Variants in NFXL1 observed in about 807,000 individuals in gnomAD.
NFXL1 encodes the protein nuclear transcription factor, X-box binding like 1.
In NFXL1, 66 loss-of-function variants were observed where a neutral mutation model predicts 123.3. That is an observed-to-expected ratio of 0.54 (90% CI 0.44 to 0.66). The LOEUF (loss-of-function observed/expected upper bound fraction) is 0.66, where lower values mean the gene tolerates loss of function less well. Ranked by LOEUF, NFXL1 falls within the 30% of genes least tolerant of loss-of-function variation. NFXL1 has a pLI of 0.00. For synonymous variants in NFXL1, 346 were observed against 360.8 expected (o/e 0.96, Z 0.46); for missense variants, 944 against 1,125.6 (o/e 0.84, Z 2.31).
At chr4:47,904,393 G>A (rs1217367760) in intron 4 of NFXL1, among the ~76,000 whole-genome samples, 1 of 152,140 alleles carries the variant, frequency 6.6e-6, no homozygotes, top group Non-Finnish European at 1.5e-5. Context: ...AAATTGAGAG[G>A]CGGAAAAAAC....
At chr4:47,912,421 T>A (rs1464944025) in intron 2 of NFXL1, among the ~76,000 whole-genome samples, 1 of 151,826 alleles carries the variant, frequency 6.6e-6, no homozygotes, top group African/African-American at 2.4e-5. Context: ...AAATCTCAAC[T>A]GTCCAGGTAG....
chr4:47,908,159 G>A (rs1264611588), intron 3 of NFXL1, among the ~76,000 whole-genome samples: 2 of 152,182 alleles, frequency 1.3e-5, no homozygotes, highest in Non-Finnish European at 2.9e-5. Context: ...CAGGCACAGT[G>A]GCTCACGCCT....
chr4:47,913,054 A>C (rs554117672), intron 2 of NFXL1, among the ~76,000 whole-genome samples: 1 of 150,360 alleles, frequency 6.7e-6, no homozygotes, highest in East Asian at 2.0e-4. Flanking sequence ...ACCTGTTCAC[A>C]CGTCTCCATA....
At chr4:47,886,948 A>G (rs1736471162) in intron 12 of NFXL1, among the ~76,000 whole-genome samples, 1 of 152,102 alleles carries the variant, frequency 6.6e-6, no homozygotes, top group Non-Finnish European at 1.5e-5. Context: ...AGCACAGTCA[A>G]TTTTCCATTA....
At chr4:47,901,146 A>AT (rs1737340974) in intron 5 of NFXL1, among the ~76,000 whole-genome samples, 1 of 152,212 alleles carries the variant, frequency 6.6e-6, no homozygotes, top group Non-Finnish European at 1.5e-5. Flanking sequence ...ATTATGCTAG[A>AT]TCTTCTTCAT....
chr4:47,897,889 TG>T, intron 9 of NFXL1, 77 bp downstream of exon 9: 2 of 883,146 alleles, frequency 2.3e-6, no homozygotes, highest in Non-Finnish European at 3.4e-6. Context: ...TTAAGTTTCC[TG>T]GAGGACGTCT....
In NFXL1 at chr4:47,878,502, T is replaced by C. The variant is rs755858939; in HGVS notation, c.2079+23A>G. The C allele has an allele frequency of 1.3e-5, 20 of 1,509,018 alleles. No individual in the cohort carries two copies. The African/African-American group carries it at 1.4e-4, about 11-fold the overall frequency. The allele number at this position is 1,509,018 out of a possible 1,614,324, so 93.5% of individuals were successfully genotyped here. On this transcript the variant is annotated intron_variant, in intron 17 of 22. Transcript: ENST00000507489. ...GTTTCAAGAATACTATGGGCAGATA[T>C]ACATTCAATCTAAGAACATTACCTT...
At chr4:47,864,851 A>C (rs909716741) in intron 18 of NFXL1, among the ~76,000 whole-genome samples, 3 of 152,206 alleles carry the variant, frequency 2.0e-5, no homozygotes, top group African/African-American at 7.2e-5. Context: ...AACATAAGTT[A>C]AGTTTTTCTC....
intron 18 of NFXL1, among the ~76,000 whole-genome samples, chr4:47,873,655 C>T (rs1423156180): frequency 6.6e-6 from 1 of 152,156 alleles, no homozygotes; most frequent in Non-Finnish European, 1.5e-5. Flanking sequence ...TTGTTCCATT[C>T]ATAGAGCACA....
intron 20 of NFXL1, 67 bp from the exon 21 acceptor site, chr4:47,852,009 G>C (rs1734145834): frequency 1.0e-6 from 1 of 986,868 alleles, no homozygotes; most frequent in Admixed American, 1.8e-5. Context: ...CCATAAAAAA[G>C]CAAAGTTCAT....
intron 19 of NFXL1, among the ~76,000 whole-genome samples, chr4:47,858,579 T>C (rs1320425284): frequency 6.6e-6 from 1 of 152,222 alleles, no homozygotes; most frequent in East Asian, 1.9e-4. Flanking sequence ...CAATTAAAAA[T>C]GACAAACATA....
intron 2 of NFXL1, among the ~76,000 whole-genome samples, chr4:47,912,704 C>T (rs1308992805): frequency 6.8e-6 from 1 of 147,552 alleles, no homozygotes; most frequent in Non-Finnish European, 1.5e-5. Flanking sequence ...ATGATCTGCC[C>T]GCCTCGGCCT....
At chr4:47,894,443 T>C (rs891815665) in intron 10 of NFXL1, 141 bp from the exon 11 acceptor site, 30 of 498,492 alleles carry the variant, frequency 6.0e-5, no homozygotes, top group Non-Finnish European at 8.1e-5. Flanking sequence ...AAAAACCAAT[T>C]TGAATTTCCT....
intron 19 of NFXL1, among the ~76,000 whole-genome samples, chr4:47,856,613 A>G (rs1023719860): frequency 6.6e-6 from 1 of 152,090 alleles, no homozygotes; most frequent in Non-Finnish European, 1.5e-5. Flanking sequence ...ATCCTTTTCC[A>G]TTGTCTTTAG....
intron 3 of NFXL1, among the ~76,000 whole-genome samples, chr4:47,908,228 T>A (rs1737648894): frequency 1.3e-5 from 2 of 152,130 alleles, no homozygotes; most frequent in African/African-American, 4.8e-5. Context: ...AAGACCAGCC[T>A]TGACAACACA....
intron 9 of NFXL1, 92 bp from the exon 10 acceptor site, chr4:47,896,739 T>C: frequency 1.3e-6 from 1 of 796,934 alleles, no homozygotes; most frequent in Non-Finnish European, 2.0e-6. Context: ...TAAGGAATGC[T>C]AGCACTTTCA....
At chr4:47,863,999 T>C (rs1734913940) in intron 18 of NFXL1, among the ~76,000 whole-genome samples, 1 of 152,188 alleles carries the variant, frequency 6.6e-6, no homozygotes, top group Admixed American at 6.5e-5. Context: ...TCCTTAATGT[T>C]AATTAAAACT....
chr4:47,888,135 A>G (rs1376708643), intron 12 of NFXL1, among the ~76,000 whole-genome samples: 1 of 152,092 alleles, frequency 6.6e-6, no homozygotes. Flanking sequence ...TTAGCTGGAC[A>G]TGGTGGCATA....
At chr4:47,860,814 G>A (rs1267527186) in intron 19 of NFXL1, among the ~76,000 whole-genome samples, 1 of 151,854 alleles carries the variant, frequency 6.6e-6, no homozygotes, top group African/African-American at 2.4e-5. Flanking sequence ...CCCTACTCCA[G>A]GCCTACAAAA....
Sources: gnomAD v4.1 joint callset for allele counts (sites outside exome capture counted in the v4.1 genomes callset) on GRCh38, gnomAD v4.1.1 for gene constraint, MANE v1.5 for transcripts, NCBI Gene and HGNC (gene_info 2026-07-23, HGNC 2026-07-21) for gene names.